The following GUSB variants were observed in gnomAD, a reference collection of about 807,000 sequenced individuals.
GUSB encodes the protein glucuronidase beta, also known as beta-glucuronidase.
In GUSB, 51 loss-of-function variants were observed where a neutral mutation model predicts 74.6. The observed-to-expected ratio is 0.68, with a 90% CI of 0.55 to 0.86. The LOEUF (loss-of-function observed/expected upper bound fraction) is 0.86, where lower values mean the gene tolerates loss of function less well. Ranked by LOEUF, GUSB falls within the 40% of genes least tolerant of loss-of-function variation. GUSB has a pLI of 0.00. For missense variants in GUSB, 736 were observed against 853.7 expected (o/e 0.86, Z 1.72); for synonymous variants, 360 against 348.3 (o/e 1.03, Z -0.37).
chr7:65,978,941 T>A (rs998817726), intron 4 of GUSB, among the ~76,000 whole-genome samples: 3 of 152,082 alleles, frequency 2.0e-5, no homozygotes, highest in African/African-American at 4.8e-5. Flanking sequence ...GCTAATTTTT[T>A]AATTTTTTGT....
chr7:65,974,679 G>A lies in GUSB; in HGVS notation c.1091C>T (p.Pro364Leu), dbSNP rs771629102. 3.7e-6 allele frequency: 6 copies of A among 1,613,376 alleles called. No homozygotes were observed. Among genetic ancestry groups the A allele is most frequent in the East Asian group, 2.2e-5 (1 of 44,868 alleles). Residue 364 changes from proline to leucine, a missense_variant, in exon 7 of 12, where the codon CCG becomes CTG. Physicochemically the swap from Pro to Leu is moderately conservative, Grantham distance 98 (BLOSUM62 -3). This residue lies in a region of GUSB where 368 missense variants were observed against 489.9 expected (regional missense o/e 0.75). Coordinates refer to ENST00000304895, the MANE Select transcript of GUSB (RefSeq NM_000181.4). Reference sequence around the variant, plus strand: ...CAGGTTGAAGTCCTTCACCAGCAGCGGCCAGTCGAAGCCCTTCCCTCGGAT... The same window carrying A: ...CAGGTTGAAGTCCTTCACCAGCAGCAGCCAGTCGAAGCCCTTCCCTCGGAT... ...ADIRGKGFDW[P>L]LLVKDFNLLR...
rs990678956 is a variant in GUSB at position 65,979,870 on chromosome 7, G to A, written c.438C>T (p.Tyr146=). ...GVDTLEHEGG[Y]LPFEADISNL... Reference sequence around the variant, plus strand: ...TGCTGATGTCGGCCTCGAAGGGGAGGTAGCCCCCCTCATGCTCTAGCGTGT... The same window carrying A: ...TGCTGATGTCGGCCTCGAAGGGGAGATAGCCCCCCTCATGCTCTAGCGTGT... Residue 146 remains tyrosine (Y), a synonymous_variant, in exon 3 of 12, where the codon TAC becomes TAT. Transcript: ENST00000304895. The A allele has an allele frequency of 9.3e-6, 15 of 1,612,454 alleles. No homozygotes were observed. Among genetic ancestry groups the A allele is most frequent in the Non-Finnish European group, 1.1e-5 (13 of 1,179,668 alleles).
chr7:65,962,733 G>A (rs1002831138), intron 11 of GUSB, among the ~76,000 whole-genome samples: 18 of 151,900 alleles, frequency 1.2e-4, no homozygotes, highest in African/African-American at 3.4e-4. Context: ...TTAGCCGGGT[G>A]TGGTGGCGCA....
At chr7:65,970,427 C>T in intron 8 of GUSB, 61 bp from the exon 9 acceptor site, 2 of 1,044,930 alleles carry the variant, frequency 1.9e-6, no homozygotes, top group South Asian at 2.5e-5. Flanking sequence ...AGACACCCTC[C>T]CATCCTCTCT....
At chr7:65,961,113 G>T in intron 11 of GUSB, 50 bp from the exon 12 acceptor site, 2 of 1,560,796 alleles carry the variant, frequency 1.3e-6, no homozygotes, top group Non-Finnish European at 1.8e-6. Flanking sequence ...CTTCTGATGG[G>T]TCAAGTTAGA....
intron 8 of GUSB, among the ~76,000 whole-genome samples, chr7:65,973,495 G>A (rs1381030110): frequency 6.6e-6 from 1 of 152,240 alleles, no homozygotes; most frequent in East Asian, 1.9e-4. Flanking sequence ...GCTGAGGCAG[G>A]AGAATCACTT....
In GUSB at chr7:65,979,521, A is replaced by T; in HGVS notation, c.602T>A (p.Val201Asp). The change falls in exon 4 of 12, where the codon GTC becomes GAC. Residue 201 changes from valine (V) to aspartate (D), a missense_variant. Coordinates refer to ENST00000304895, the MANE Select transcript of GUSB (RefSeq NM_000181.4). ...DTSKYPKGYFVQNTYFDFFNY... is the reference protein window; with the variant it reads ...DTSKYPKGYFDQNTYFDFFNY... ...GAAAAAGTCAAAATATGTGTTCTGG[A>T]CAAAGTAACCCTTGGGATACCTAGG... is the stretch of plus-strand genomic sequence containing the variant. 6.2e-7 allele frequency: 1 copy of T among 1,614,096 alleles called. No homozygotes were observed. Among genetic ancestry groups the T allele is most frequent in the East Asian group, 2.2e-5 (1 of 44,892 alleles).
chr7:65,977,242 T>C (rs1175618779), intron 4 of GUSB, among the ~76,000 whole-genome samples: 1 of 152,114 alleles, frequency 6.6e-6, no homozygotes. Flanking sequence ...AGTGTTGCAA[T>C]CTCAGCTGAC....
chr7:65,970,683 G>C (rs1361825520), intron 8 of GUSB, among the ~76,000 whole-genome samples: 1 of 151,918 alleles, frequency 6.6e-6, no homozygotes, highest in Non-Finnish European at 1.5e-5. Context: ...CACAAGGTCA[G>C]GAGATCGATA....
intron 10 of GUSB, 21 bp downstream of exon 10, chr7:65,967,710 A>G: frequency 6.2e-7 from 1 of 1,606,200 alleles, no homozygotes; most frequent in Non-Finnish European, 8.5e-7. Context: ...ACACACAAGC[A>G]GAAAGCTCAA....
At position 65,960,979 on chromosome 7, in the gene GUSB, C is replaced by G. The variant is rs372550726; in HGVS notation, c.1874G>C (p.Arg625Thr). ...GGTTTCATTGGCAATCTTCCAGTAT[C>G]TCTCTCGCAAAAGGAACGCTGCACT... ...PKSAAFLLRE[R>T]YWKIANETRY... is the part of the protein sequence containing the mutation. Residue 625 changes from arginine (R) to threonine (T), a missense_variant, in exon 12 of 12, where the codon AGA (arginine) becomes ACA (threonine). By Grantham distance (71) the Arg-to-Thr change is moderately conservative (BLOSUM62 -1). Transcript: ENST00000304895. The G allele has an allele frequency of 6.2e-7, 1 of 1,613,592 alleles. No homozygotes were observed. The highest frequency in any genetic ancestry group is 8.5e-7 in the Non-Finnish European group (1 of 1,179,872).
Position 65,974,511 on chromosome 7 carries a change from A to G in GUSB, c.1244+15T>C, listed in dbSNP as rs777787457. On this transcript the variant is annotated intron_variant, in intron 7 of 11. Coordinates refer to ENST00000304895, the MANE Select transcript of GUSB (RefSeq NM_000181.4). The stretch of plus-strand genomic sequence containing the variant: ...CGGGCTGGGCAGGCGGAGCAGGTGC[A>G]CAGCAGAGACTCACGGCAGCGCCAG... 3.3e-5 allele frequency: 53 copies of G among 1,613,996 alleles called. No homozygotes were observed. Among genetic ancestry groups the G allele is most frequent in the Non-Finnish European group, 4.4e-5 (52 of 1,180,008 alleles).
At chr7:65,980,142 G>T in intron 2 of GUSB, 82 bp downstream of exon 2, 1 of 1,326,794 alleles carries the variant, frequency 7.5e-7, no homozygotes, top group Non-Finnish European at 1.1e-6. Context: ...CAGCATACAT[G>T]CCGTGGGTGG....
chr7:65,963,046 T>C (rs10279841), intron 11 of GUSB, among the ~76,000 whole-genome samples: 84,961 of 151,556 alleles, frequency 0.56, 24,145 homozygotes, highest in East Asian at 0.81. Context: ...TTAGTAGAGA[T>C]GGGGTTTCTC....
At chr7:65,980,089 GCCCCCAGGGCAGGGCAGGGCAGGA>G in intron 2 of GUSB, 111 bp downstream of exon 2, 1 of 1,010,990 alleles carries the variant, frequency 9.9e-7, no homozygotes, top group Non-Finnish European at 1.5e-6. Context: ...ACAGGGCACA[GCCCCCAGGGCAGGGCAGGGCAGGA>G]CCCCCCACCA....
At chr7:65,975,411 G>A (rs1791502345) in intron 5 of GUSB, 2 of 360,208 alleles carry the variant, frequency 5.6e-6, no homozygotes, top group African/African-American at 4.2e-5. Flanking sequence ...TTCTGAGACA[G>A]TCTCAGTCTG....
Position 65,960,952 on chromosome 7 carries a change from C to G in GUSB, c.1901G>C (p.Arg634Thr), listed in dbSNP as rs751075889. ...ERYWKIANET[R>T]YPHSVAKSQC... ...TGACTTGGCTACTGAGTGGGGATAC[C>G]TGGTTTCATTGGCAATCTTCCAGTA... is the stretch of plus-strand genomic sequence containing the variant. The change falls in exon 12 of 12, where the codon AGG becomes ACG. Residue 634 changes from arginine to threonine, a missense_variant. Arg to Thr is a moderately conservative substitution (Grantham distance 71). This residue lies in a region of GUSB where 368 missense variants were observed against 489.9 expected (regional missense o/e 0.75). Coordinates refer to ENST00000304895, the MANE Select transcript of GUSB (RefSeq NM_000181.4). 5.6e-6 allele frequency: 9 copies of G among 1,613,724 alleles called. No homozygotes were observed. Among genetic ancestry groups the G allele is most frequent in the Admixed American group, 5.0e-5 (3 of 59,928 alleles).
chr7:65,980,762 C>T, intron 1 of GUSB: 1 of 383,900 alleles, frequency 2.6e-6, no homozygotes, highest in Non-Finnish European at 5.0e-6. Flanking sequence ...ATGGGGGGAG[C>T]TTTGCTTAGG....
Position 65,967,845 on chromosome 7 carries a change from G to A in GUSB, c.1539C>T (p.His513=). The A allele has an allele frequency of 3.7e-6, 6 of 1,607,804 alleles. No individual in the cohort carries two copies. The South Asian group carries it at 5.5e-5, about 15-fold the overall frequency. ...CCAGCTGCAGCTGAATCAACTCCAG[G>A]TGCCCGTAGTCGTGATACCAAGAGT... ...SYYSWYHDYG[H]LELIQLQLAT... The change falls in exon 10 of 12, where the codon CAC becomes CAT. Residue 513 remains histidine (H), a synonymous_variant. Coordinates refer to ENST00000304895, the MANE Select transcript of GUSB (RefSeq NM_000181.4).
Sources: gnomAD v4.1 joint callset for allele counts (sites outside exome capture counted in the v4.1 genomes callset) on GRCh38, gnomAD v4.1.1 for gene constraint, gnomAD v4.1.1 regional missense constraint, MANE v1.5 for transcripts, NCBI Gene and HGNC (gene_info 2026-07-23, HGNC 2026-07-21) for gene names.